Variants in ZNF407 observed in about 807,000 individuals in gnomAD.
The protein encoded by ZNF407 is zinc finger protein 407.
Under a neutral mutation model 131.2 loss-of-function variants are expected in ZNF407, and 17 were observed. The ratio of observed to expected loss-of-function variants is 0.13; its 90% CI spans 0.09 to 0.19. The LOEUF (loss-of-function observed/expected upper bound fraction) is 0.19. Among genes scored for constraint, ZNF407 ranks in the 10% least tolerant of loss-of-function variants. ZNF407 has a pLI of 1.00. For synonymous variants in ZNF407, 1,156 were observed against 1,062.0 expected (o/e 1.09, Z -1.72); for missense variants, 2,681 against 2,830.6 (o/e 0.95, Z 1.20).
chr18:74,712,247 G>T (rs192475292), intron 3 of ZNF407, among the ~76,000 whole-genome samples: 2 of 152,082 alleles, frequency 1.3e-5, no homozygotes, highest in African/African-American at 4.8e-5. Flanking sequence ...ATGTCCTAGC[G>T]CCTATGTCTT....
chr18:74,856,928 G>T (rs749794917), intron 4 of ZNF407, among the ~76,000 whole-genome samples: 1 of 152,180 alleles, frequency 6.6e-6, no homozygotes, highest in South Asian at 2.1e-4. Flanking sequence ...GCTATCCTGC[G>T]TTAGCTTACA....
At chr18:74,684,378 T>C (rs1179538050) in intron 3 of ZNF407, among the ~76,000 whole-genome samples, 1 of 152,232 alleles carries the variant, frequency 6.6e-6, no homozygotes, top group African/African-American at 2.4e-5. Context: ...AAGTTAAATA[T>C]AACATCTTTC....
At chr18:74,755,719 T>TTTTCTTTC (rs1395990204) in intron 3 of ZNF407, among the ~76,000 whole-genome samples, 2 of 128,200 alleles carry the variant, frequency 1.6e-5, no homozygotes, top group African/African-American at 3.0e-5. Flanking sequence ...CTGCCTCTCT[T>TTTTCTTTC]CTTTCTTTCC....
chr18:74,857,808 A>C (rs1970880002), intron 4 of ZNF407, among the ~76,000 whole-genome samples: 1 of 151,872 alleles, frequency 6.6e-6, no homozygotes, highest in East Asian at 1.9e-4. Context: ...TTTTATGTTG[A>C]TGGCAAATGT....
At chr18:74,875,150 G>T (rs766581153) in intron 4 of ZNF407, among the ~76,000 whole-genome samples, 1 of 152,142 alleles carries the variant, frequency 6.6e-6, no homozygotes, top group Non-Finnish European at 1.5e-5. Context: ...TGTTAAGTAC[G>T]TCTTGATCTT....
intron 7 of ZNF407, among the ~76,000 whole-genome samples, chr18:74,914,959 G>C (rs1568267392): frequency 6.6e-6 from 1 of 152,194 alleles, no homozygotes; most frequent in African/African-American, 2.4e-5. Context: ...GAAAAACTGT[G>C]ACATGAGTTC....
At chr18:74,802,673 T>G (rs1282193366) in intron 4 of ZNF407, among the ~76,000 whole-genome samples, 3 of 152,216 alleles carry the variant, frequency 2.0e-5, no homozygotes, top group Non-Finnish European at 2.9e-5. Context: ...TGAAATATTC[T>G]AAGTGTTTGA....
chr18:74,603,269 A>G (rs544834571), intron 1 of ZNF407, among the ~76,000 whole-genome samples: 25 of 152,186 alleles, frequency 1.6e-4, no homozygotes, highest in Non-Finnish European at 2.8e-4. Flanking sequence ...GTTTAGGGAG[A>G]CTTCTCAGAG....
intron 8 of ZNF407, among the ~76,000 whole-genome samples, chr18:74,935,286 C>T (rs1260535269): frequency 1.3e-5 from 2 of 152,156 alleles, no homozygotes; most frequent in Non-Finnish European, 2.9e-5. Context: ...TCTCATTTAT[C>T]AGGTATCTCA....
At chr18:75,046,942 T>C (rs907114718) in intron 8 of ZNF407, among the ~76,000 whole-genome samples, 4 of 152,162 alleles carry the variant, frequency 2.6e-5, no homozygotes, top group African/African-American at 4.8e-5. Context: ...AGTTACTCTG[T>C]AGGTTAAAAA....
chr18:75,059,806 G>A (rs1973603631), intron 8 of ZNF407, among the ~76,000 whole-genome samples: 1 of 151,928 alleles, frequency 6.6e-6, no homozygotes, highest in Non-Finnish European at 1.5e-5. Flanking sequence ...AAGTTTACAA[G>A]ACAACCATGA....
At chr18:74,867,044 C>T (rs1971022573) in intron 4 of ZNF407, among the ~76,000 whole-genome samples, 1 of 147,406 alleles carries the variant, frequency 6.8e-6, no homozygotes, top group Non-Finnish European at 1.5e-5. Context: ...TTGAATCTTG[C>T]ATAAAATCAC....
chr18:74,805,621 A>T (rs1009944692), intron 4 of ZNF407, among the ~76,000 whole-genome samples: 20 of 152,212 alleles, frequency 1.3e-4, no homozygotes, highest in African/African-American at 4.8e-4. Flanking sequence ...CATTTATGAT[A>T]CTTTGGAGTA....
chr18:74,894,282 A>C (rs78987691), intron 7 of ZNF407, among the ~76,000 whole-genome samples: 1 of 152,110 alleles, frequency 6.6e-6, no homozygotes, highest in African/African-American at 2.4e-5. Context: ...TATAAATTCA[A>C]AGCACAAATT....
At chr18:74,785,595 A>T (rs893969219) in intron 4 of ZNF407, among the ~76,000 whole-genome samples, 1 of 151,956 alleles carries the variant, frequency 6.6e-6, no homozygotes, top group South Asian at 2.1e-4. Flanking sequence ...CTTTTTCTCT[A>T]TTTTCTCAAA....
intron 1 of ZNF407, among the ~76,000 whole-genome samples, chr18:74,618,679 C>T (rs1273736773): frequency 2.0e-5 from 3 of 152,080 alleles, no homozygotes; most frequent in Middle Eastern, 3.4e-3. Flanking sequence ...ACCTCTTCCC[C>T]GCAAAGTAAT....
At position 75,042,058 on chromosome 18, in the gene ZNF407, CT is replaced by C. The variant is rs74265948; in HGVS notation, c.5429-21077del. Among the ~76,000 whole-genome samples, 672 of 141,490 alleles carry C rather than the reference CT, an allele frequency of 4.7e-3. 6 individuals carry two copies. The highest frequency in any genetic ancestry group is 0.015 in the Middle Eastern group (4 of 272). 92.8% of individuals were successfully genotyped at this position (141,490 alleles called of 152,430 possible). ...TGAATTAGCCTTGCTCATTTCTTTC[CT>C]TTTTTTTTTTTTTTCTTATTAACTA... On this transcript the variant is annotated intron_variant, in intron 8 of 8. Coordinates refer to ENST00000299687, the MANE Select transcript of ZNF407 (RefSeq NM_017757.3).
At position 74,703,147 on chromosome 18, in the gene ZNF407, G is replaced by C. The variant is rs940871297; in HGVS notation, c.4802+62025G>C. 1.3e-5 allele frequency among the ~76,000 whole-genome samples: 2 copies of C among 152,248 alleles called. No homozygotes were observed. The highest frequency in any genetic ancestry group is 4.8e-5 in the African/African-American group (2 of 41,458). ...CACCCAAATGAGGTGACTCAGCAGA[G>C]AGGCGAGGTGGTGTGAGAGCTACAA... On this transcript the variant is annotated intron_variant, in intron 3 of 8. Transcript: ENST00000299687. The surrounding 1 kb of genome is among the most constrained non-coding windows in gnomAD (Gnocchi z 4.1).
chr18:74,663,790 C>T (rs906655854), intron 3 of ZNF407, among the ~76,000 whole-genome samples: 2 of 151,950 alleles, frequency 1.3e-5, no homozygotes, highest in Non-Finnish European at 2.9e-5. Flanking sequence ...TAGAGAGGAC[C>T]GAGAGGATTA....
Sources: allele counts gnomAD v4.1 joint callset (sites outside exome capture counted in the v4.1 genomes callset), GRCh38; gene constraint gnomAD v4.1.1; non-coding constraint Gnocchi (gnomAD v3.1); transcripts MANE v1.5; gene names NCBI Gene and HGNC (gene_info 2026-07-23, HGNC 2026-07-21).